Variants in SMYD4 observed in about 807,000 individuals in gnomAD.
SMYD4 encodes the protein SET and MYND domain containing 4.
Under a neutral mutation model 72.8 loss-of-function variants are expected in SMYD4, and 68 were observed. The observed-to-expected ratio is 0.93, with a 90% CI of 0.77 to 1.14. The LOEUF (loss-of-function observed/expected upper bound fraction) is 1.14. Ranked by LOEUF, SMYD4 falls within the 50% of genes most tolerant of loss-of-function variation. The probability of loss-of-function intolerance (pLI) is 0.00; values close to 1 mark genes in which losing one functional copy is unlikely to be tolerated. For missense variants in SMYD4, 984 were observed against 1,003.7 expected (o/e 0.98, Z 0.27); for synonymous variants, 407 against 388.6 (o/e 1.05, Z -0.56).
At chr17:1,799,328 T>C (rs1431720004) in intron 5 of SMYD4, among the ~76,000 whole-genome samples, 1 of 151,820 alleles carries the variant, frequency 6.6e-6, no homozygotes, top group South Asian at 2.1e-4. Context: ...GGGATAAAAC[T>C]ACCCATTTTA....
In SMYD4 at chr17:1,800,757, C is replaced by A; in HGVS notation, c.637G>T (p.Ala213Ser). The A allele has an allele frequency of 6.2e-7, 1 of 1,614,182 alleles. No homozygotes were observed. The highest frequency in any genetic ancestry group is 2.2e-5 in the East Asian group (1 of 44,890). Residue 213 changes from alanine (A) to serine (S), a missense_variant, in exon 5 of 11, where the codon GCC becomes TCC. Coordinates refer to ENST00000305513, the MANE Select transcript of SMYD4 (RefSeq NM_052928.3). ...AGCGCTGCATCCTCAAGGGTTTTGG[C>A]CAGAGCTGCTGGGAAGCTTTCTGTG... Reference protein sequence around the residue: ...SLTESFPAALAKTLEDAALRE... With the variant: ...SLTESFPAALSKTLEDAALRE...
intron 3 of SMYD4, 25 bp downstream of exon 3, chr17:1,811,946 A>G (rs1417869838): frequency 6.2e-7 from 1 of 1,605,164 alleles, no homozygotes; most frequent in Admixed American, 1.7e-5. Context: ...TAAATAATAA[A>G]TTGCTTGAGC....
At chr17:1,819,399 A>G (rs951178305) in intron 2 of SMYD4, among the ~76,000 whole-genome samples, 2 of 152,152 alleles carry the variant, frequency 1.3e-5, no homozygotes, top group Non-Finnish European at 2.9e-5. Context: ...TTAAATCTAT[A>G]TACTTCTTGT....
At chr17:1,826,491 CAAAAAAAAAAAAAA>C (rs111636314) in intron 2 of SMYD4, among the ~76,000 whole-genome samples, 1,458 of 103,130 alleles carry the variant, frequency 0.014, 20 homozygotes, top group Middle Eastern at 0.034. Context: ...AAACTCTGTC[CAAAAAAAAAAAAAA>C]AAAAAAAAAA....
chr17:1,807,695 A>C (rs970127238), intron 3 of SMYD4, among the ~76,000 whole-genome samples: 1 of 152,134 alleles, frequency 6.6e-6, no homozygotes, highest in Non-Finnish European at 1.5e-5. Context: ...AAATGGAATG[A>C]CCTTTAAATT....
At chr17:1,828,077 A>G (rs2151259258) in intron 1 of SMYD4, 71 bp from the exon 2 acceptor site, 1 of 1,481,836 alleles carries the variant, frequency 6.7e-7, no homozygotes, top group South Asian at 1.2e-5. Context: ...TCAGCCAGGT[A>G]CGGTGGCTCA....
chr17:1,790,897 C>T (rs181843223), intron 5 of SMYD4, among the ~76,000 whole-genome samples: 3 of 150,766 alleles, frequency 2.0e-5, no homozygotes, highest in South Asian at 2.1e-4. Context: ...GAGGCCCAGG[C>T]GGGTGGATCA....
chr17:1,815,143 A>G (rs1166326947), intron 2 of SMYD4, among the ~76,000 whole-genome samples: 1 of 151,536 alleles, frequency 6.6e-6, no homozygotes, highest in African/African-American at 2.4e-5. Context: ...GGCTCACTGC[A>G]ACATCTGCCT....
At chr17:1,783,215 T>C in intron 9 of SMYD4, 57 bp from the exon 10 acceptor site, 1 of 1,613,066 alleles carries the variant, frequency 6.2e-7, no homozygotes, top group South Asian at 1.1e-5. Context: ...TGTGGATGCA[T>C]ATTTTCAGGG....
At chr17:1,796,428 G>A (rs1303437012) in intron 5 of SMYD4, among the ~76,000 whole-genome samples, 4 of 149,306 alleles carry the variant, frequency 2.7e-5, no homozygotes, top group East Asian at 2.0e-4. Flanking sequence ...GAGCCACTGC[G>A]GCTGGCTTCA....
chr17:1,800,114 T>C lies in SMYD4; in HGVS notation c.1280A>G (p.Asn427Ser), dbSNP rs759972235. 8 of 1,611,522 alleles carry C rather than the reference T, an allele frequency of 5.0e-6. No homozygotes were observed. The highest frequency in any genetic ancestry group is 2.2e-5 in the South Asian group (2 of 90,764). Residue 427 changes from asparagine (N) to serine (S), a missense_variant, in exon 5 of 11, where the codon AAC (asparagine) becomes AGC (serine). Asn to Ser is a conservative substitution (Grantham distance 46). Coordinates refer to ENST00000305513, the MANE Select transcript of SMYD4 (RefSeq NM_052928.3). ...ATGGTTTTCAGTGTGGGGCAAAAGG[T>C]TGAAGACAGCATTATAATTATTTTC... ...KYENNYNAVF[N>S]LLPHTENHSP...
Position 1,780,844 on chromosome 17 carries a change from G to C in SMYD4, c.*442C>G, listed in dbSNP as rs1908325512. Reference sequence around the variant, plus strand: ...TCACCGTGTTAGCCAGGATGGTCTGGATCTCCTGACCTCGTGATCTGCCTG... The same window carrying C: ...TCACCGTGTTAGCCAGGATGGTCTGCATCTCCTGACCTCGTGATCTGCCTG... On this transcript the variant is annotated 3_prime_UTR_variant, in exon 11 of 11. Coordinates refer to ENST00000305513, the MANE Select transcript of SMYD4 (RefSeq NM_052928.3). 1 of 155,114 alleles carries C rather than the reference G, an allele frequency of 6.4e-6. No homozygotes were observed. The highest frequency in any genetic ancestry group is 2.4e-5 in the African/African-American group (1 of 41,298). The allele number at this position is 155,114 out of a possible 1,614,324, so 9.6% of individuals were successfully genotyped here. A position where few individuals can be genotyped will look rare whatever the true frequency, so the allele number is the denominator to read the frequency against.
chr17:1,784,749 T>C (rs1194898859), intron 7 of SMYD4, among the ~76,000 whole-genome samples: 1 of 152,146 alleles, frequency 6.6e-6, no homozygotes. Flanking sequence ...TTGTCGCTTT[T>C]TGGGGCCAGG....
At chr17:1,814,826 A>G (rs1597392685) in intron 2 of SMYD4, 2 of 152,154 alleles carry the variant, frequency 1.3e-5, no homozygotes, top group African/African-American at 4.8e-5. Context: ...AAGAAAAACT[A>G]GGAAAGATTT....
At chr17:1,808,814 A>G (rs182501269) in intron 3 of SMYD4, among the ~76,000 whole-genome samples, 2 of 152,330 alleles carry the variant, frequency 1.3e-5, no homozygotes, top group Admixed American at 1.3e-4. Context: ...TAAGCCATTT[A>G]TCACTGGATC....
At chr17:1,791,637 T>C (rs1020575785) in intron 5 of SMYD4, among the ~76,000 whole-genome samples, 6 of 152,204 alleles carry the variant, frequency 3.9e-5, no homozygotes, top group Non-Finnish European at 8.8e-5. Context: ...AGTGGAACTT[T>C]CCTGGAGGGC....
At chr17:1,784,507 T>C (rs200602807) in intron 7 of SMYD4, 46 bp from the exon 8 acceptor site, 52 of 1,610,252 alleles carry the variant, frequency 3.2e-5, no homozygotes, top group Non-Finnish European at 4.1e-5. Flanking sequence ...GGGTCAGTTA[T>C]CAACACCGCC....
At chr17:1,795,482 A>G (rs1203592931) in intron 5 of SMYD4, among the ~76,000 whole-genome samples, 13 of 151,726 alleles carry the variant, frequency 8.6e-5, no homozygotes, top group African/African-American at 3.2e-4. Context: ...TTGCTGTGTC[A>G]CCCTGGCTGG....
intron 9 of SMYD4, 35 bp downstream of exon 9, chr17:1,783,323 CTG>C (rs771049977): frequency 6.2e-7 from 1 of 1,611,262 alleles, no homozygotes; most frequent in South Asian, 1.1e-5. Flanking sequence ...CCACAGCAGA[CTG>C]TTCCCGACGC....
Sources: gnomAD v4.1 joint callset for allele counts (sites outside exome capture counted in the v4.1 genomes callset) on GRCh38, gnomAD v4.1.1 for gene constraint, MANE v1.5 for transcripts, NCBI Gene and HGNC (gene_info 2026-07-23, HGNC 2026-07-21) for gene names.